Variants in GRK4 observed in about 807,000 individuals in gnomAD.
The protein encoded by GRK4 is G protein-coupled receptor kinase 2-like.
A neutral mutation model predicts 77.9 loss-of-function variants in GRK4; 73 were observed. That is an observed-to-expected ratio of 0.94 (90% CI 0.78 to 1.14). The LOEUF (loss-of-function observed/expected upper bound fraction) is 1.14, where lower values mean the gene tolerates loss of function less well. Ranked by LOEUF, GRK4 falls within the 50% of genes most tolerant of loss-of-function variation. The pLI, the probability that GRK4 is intolerant of heterozygous loss-of-function variation, is 0.00. For missense variants in GRK4, 729 were observed against 700.2 expected (o/e 1.04, Z -0.46); for synonymous variants, 257 against 254.4 (o/e 1.01, Z -0.10).
intron 7 of GRK4, among the ~76,000 whole-genome samples, chr4:3,011,137 AT>A (rs1732800505): frequency 6.6e-6 from 1 of 152,218 alleles, no homozygotes. Context: ...AATGACTCAG[AT>A]TTTGTGAAAG....
chr4:3,004,154 C>T, intron 4 of GRK4, 77 bp from the exon 5 acceptor site: 1 of 1,039,362 alleles, frequency 9.6e-7, no homozygotes, highest in Middle Eastern at 2.1e-4. Context: ...CATTTTTTTA[C>T]AATAAGCATT....
At chr4:3,019,153 T>G (rs1735381323) in intron 8 of GRK4, among the ~76,000 whole-genome samples, 1 of 152,218 alleles carries the variant, frequency 6.6e-6, no homozygotes, top group African/African-American at 2.4e-5. Flanking sequence ...CCCCTATCTT[T>G]GCATATATAG....
At chr4:2,989,282 T>C (rs1725425771) in intron 3 of GRK4, among the ~76,000 whole-genome samples, 1 of 152,168 alleles carries the variant, frequency 6.6e-6, no homozygotes, top group Admixed American at 6.5e-5. Context: ...GAAATCCCTT[T>C]AGTCTGAAGT....
At position 3,029,328 on chromosome 4, in the gene GRK4, G is replaced by A. The variant is rs1425152753; in HGVS notation, c.1188G>A (p.Glu396=). Residue 396 remains glutamate, a synonymous_variant, in exon 12 of 16, where the codon GAG becomes GAA. Transcript: ENST00000398052. ...FKKYKEKVKW[E]EVDQRIKNDT... ...AATACAAAGAGAAAGTCAAATGGGA[G>A]GAGGTCGATCAAAGAATCAAGAATG... 1 of 1,614,146 alleles carries A rather than the reference G, an allele frequency of 6.2e-7. No homozygotes were observed. The highest frequency in any genetic ancestry group is 8.5e-7 in the Non-Finnish European group (1 of 1,180,002).
At chr4:3,014,296 C>CTTTTTTTTT (rs60684225) in intron 8 of GRK4, among the ~76,000 whole-genome samples, 14 of 118,998 alleles carry the variant, frequency 1.2e-4, no homozygotes, top group African/African-American at 4.5e-4. Flanking sequence ...CTCTCTCTCT[C>CTTTTTTTTT]TTTTTTTTTT....
intron 4 of GRK4, among the ~76,000 whole-genome samples, chr4:3,003,312 C>T (rs1442173879): frequency 6.6e-6 from 1 of 152,072 alleles, no homozygotes; most frequent in African/African-American, 2.4e-5. Context: ...GCCTCAGCCT[C>T]CTGAGTAGCT....
intron 10 of GRK4, among the ~76,000 whole-genome samples, chr4:3,026,032 C>T (rs1004420358): frequency 6.6e-6 from 1 of 152,240 alleles, no homozygotes; most frequent in African/African-American, 2.4e-5. Context: ...GCGCAGCCCT[C>T]GCTGGTAAGC....
chr4:3,003,682 G>A (rs1292951214), intron 4 of GRK4, among the ~76,000 whole-genome samples: 1 of 152,148 alleles, frequency 6.6e-6, no homozygotes. Flanking sequence ...GAACATGGGT[G>A]TGCAGATACC....
intron 4 of GRK4, among the ~76,000 whole-genome samples, chr4:2,994,808 G>A (rs1727304019): frequency 6.6e-6 from 1 of 152,026 alleles, no homozygotes; most frequent in Admixed American, 6.6e-5. Flanking sequence ...TAAGTTCGGG[G>A]GTACATGTGC....
chr4:3,028,437 A>G (rs955963826), intron 11 of GRK4, among the ~76,000 whole-genome samples: 1 of 152,120 alleles, frequency 6.6e-6, no homozygotes, highest in Non-Finnish European at 1.5e-5. Flanking sequence ...GAAGACCCCA[A>G]GGTCTTGTGG....
At chr4:2,984,912 G>T (rs1723829599) in intron 2 of GRK4, among the ~76,000 whole-genome samples, 1 of 151,960 alleles carries the variant, frequency 6.6e-6, no homozygotes, top group Non-Finnish European at 1.5e-5. Flanking sequence ...CTCCCAAAGT[G>T]CTGGGATTAC....
chr4:3,004,367 A>T (rs551285606), intron 5 of GRK4, 33 bp downstream of exon 5: 5 of 1,334,638 alleles, frequency 3.7e-6, no homozygotes, highest in South Asian at 2.4e-5. Flanking sequence ...TGCATATATT[A>T]TCTATGACTA....
At chr4:2,988,251 G>A (rs1347027216) in intron 2 of GRK4, among the ~76,000 whole-genome samples, 1 of 151,594 alleles carries the variant, frequency 6.6e-6, no homozygotes, top group East Asian at 1.9e-4. Flanking sequence ...ATTTTTCATT[G>A]AATCTAATCC....
intron 7 of GRK4, among the ~76,000 whole-genome samples, chr4:3,010,629 A>G (rs923344629): frequency 1.3e-5 from 2 of 152,100 alleles, no homozygotes; most frequent in Non-Finnish European, 2.9e-5. Context: ...AGAGATATTA[A>G]TTACCTTACT....
intron 4 of GRK4, among the ~76,000 whole-genome samples, chr4:3,001,237 GTA>G (rs531526779): frequency 6.0e-5 from 8 of 133,858 alleles, no homozygotes; most frequent in African/African-American, 1.5e-4. Context: ...ATGTGTATGT[GTA>G]TATATATACA....
chr4:3,007,702 C>A (rs1008594255), intron 5 of GRK4, 34 bp from the exon 6 acceptor site: 9 of 1,354,096 alleles, frequency 6.6e-6, no homozygotes, highest in Non-Finnish European at 9.3e-6. Flanking sequence ...CTTAATACAA[C>A]AAATGTATAT....
chr4:2,974,872 C>A (rs1256980885), intron 1 of GRK4, among the ~76,000 whole-genome samples: 2 of 152,188 alleles, frequency 1.3e-5, no homozygotes, highest in Admixed American at 1.3e-4. Flanking sequence ...GCAGCCACAT[C>A]CTGGCAACGA....
intron 7 of GRK4, among the ~76,000 whole-genome samples, chr4:3,011,308 C>T (rs13123779): frequency 0.078 from 11,830 of 152,162 alleles, 513 homozygotes; most frequent in African/African-American, 0.11. Context: ...GTGCTGGGCG[C>T]GGTGGCTCAC....
intron 8 of GRK4, 108 bp downstream of exon 8, chr4:3,013,936 T>G: frequency 7.9e-7 from 1 of 1,258,728 alleles, no homozygotes; most frequent in Non-Finnish European, 1.1e-6. Context: ...AGTCATTTCT[T>G]GTTTTCTGAG....
Sources: gnomAD v4.1 joint callset for allele counts (sites outside exome capture counted in the v4.1 genomes callset) on GRCh38, gnomAD v4.1.1 for gene constraint, MANE v1.5 for transcripts, NCBI Gene and HGNC (gene_info 2026-07-23, HGNC 2026-07-21) for gene names.